The following TAMM41 variants were observed in gnomAD, a reference collection of about 807,000 sequenced individuals.
TAMM41 encodes the protein phosphatidate cytidylyltransferase, mitochondrial.
TAMM41 carries 36 observed loss-of-function variants against 44.1 expected under a neutral mutation model. The ratio of observed to expected loss-of-function variants is 0.82; its 90% CI spans 0.63 to 1.08. TAMM41 has a LOEUF of 1.08. Ranked by LOEUF, TAMM41 falls within the 50% of genes least tolerant of loss-of-function variation. The pLI is 0.00. For synonymous variants in TAMM41, 164 were observed against 153.1 expected, an observed-to-expected ratio of 1.07 and a Z score of -0.53; for missense variants, 417 against 404.3, an observed-to-expected ratio of 1.03 and a Z score of -0.27.
At chr3:11,735,322 C>A in the TAMM41 span, among the ~76,000 whole-genome samples, 1 of 152,178 alleles carries the variant, frequency 6.6e-6, no homozygotes, top group Non-Finnish European at 1.5e-5. Flanking sequence ...TGCGCCACTG[C>A]ATTCCAGCCT....
the TAMM41 span, among the ~76,000 whole-genome samples, chr3:11,772,434 A>G: frequency 1.3e-5 from 2 of 152,108 alleles, no homozygotes; most frequent in Non-Finnish European, 2.9e-5. Context: ...TTTAGCTGTC[A>G]CAAGTGACAA....
the TAMM41 span, among the ~76,000 whole-genome samples, chr3:11,781,777 A>ATAATAATAC: frequency 2.6e-5 from 1 of 38,842 alleles, no homozygotes; most frequent in Non-Finnish European, 4.6e-5. Flanking sequence ...AATAATAATA[A>ATAATAATAC]TAATCATACA....
the TAMM41 span, among the ~76,000 whole-genome samples, chr3:11,722,229 T>C: frequency 5.3e-5 from 8 of 152,124 alleles, no homozygotes; most frequent in African/African-American, 1.7e-4. Flanking sequence ...ATGTGACCAG[T>C]CTTCGACCTT....
intron 2 of TAMM41, 132 bp from the exon 3 acceptor site, chr3:11,839,446 C>T: frequency 1.7e-6 from 1 of 599,284 alleles, no homozygotes; most frequent in Non-Finnish European, 2.9e-6. Flanking sequence ...CTCAAAACAC[C>T]TGACTTGTGA....
In TAMM41 at chr3:11,846,662, C is replaced by T; in HGVS notation, c.-26G>A. 1 of 1,613,942 alleles carries T rather than the reference C, an allele frequency of 6.2e-7. No homozygotes were observed. Among genetic ancestry groups the T allele is most frequent in the South Asian group, 1.1e-5 (1 of 91,066 alleles). ...GGGGTCGAGGCTAACAGGGGACACTCAGCGCAGCAGGGCGAGGACAACCGG... is the reference window on the plus strand; with the variant it reads ...GGGGTCGAGGCTAACAGGGGACACTTAGCGCAGCAGGGCGAGGACAACCGG... On this transcript the variant is annotated 5_prime_UTR_variant, in exon 1 of 8. Coordinates refer to ENST00000455809, the MANE Select transcript of TAMM41 (RefSeq NM_001284401.2).
chr3:11,778,095 C>T, the TAMM41 span, among the ~76,000 whole-genome samples: 1 of 152,138 alleles, frequency 6.6e-6, no homozygotes, highest in African/African-American at 2.4e-5. Flanking sequence ...TCACAGTCTG[C>T]ATCAGTATTT....
the TAMM41 span, among the ~76,000 whole-genome samples, chr3:11,759,988 AAAG>A: frequency 0.021 from 3,133 of 151,906 alleles, 48 homozygotes; most frequent in Middle Eastern, 0.054. Flanking sequence ...AAAAAAGAAA[AAAG>A]AAGAAGAAGA....
chr3:11,729,410 G>A, the TAMM41 span, among the ~76,000 whole-genome samples: 14 of 151,848 alleles, frequency 9.2e-5, no homozygotes, highest in Non-Finnish European at 1.6e-4. Context: ...GAAGCTTACC[G>A]AGAATGAATG....
At chr3:11,764,963 T>C in the TAMM41 span, among the ~76,000 whole-genome samples, 3 of 152,242 alleles carry the variant, frequency 2.0e-5, no homozygotes, top group Non-Finnish European at 2.9e-5. Context: ...TGTCAGATCA[T>C]GATTTGTATA....
chr3:11,814,330 A>C (rs1422323549), intron 5 of TAMM41, among the ~76,000 whole-genome samples: 1 of 152,198 alleles, frequency 6.6e-6, no homozygotes, highest in African/African-American at 2.4e-5. Context: ...CAAAATCTTC[A>C]AAAGTTATAA....
chr3:11,768,417 C>T, the TAMM41 span, among the ~76,000 whole-genome samples: 7 of 152,144 alleles, frequency 4.6e-5, no homozygotes, highest in Admixed American at 2.0e-4. Context: ...GGATTACAGG[C>T]GTGAGCCACT....
the TAMM41 span, among the ~76,000 whole-genome samples, chr3:11,781,041 G>A: frequency 6.6e-6 from 1 of 152,090 alleles, no homozygotes; most frequent in Non-Finnish European, 1.5e-5. Context: ...AACCAACACT[G>A]TCTGGGAACA....
chr3:11,749,937 G>C, the TAMM41 span, among the ~76,000 whole-genome samples: 1 of 142,482 alleles, frequency 7.0e-6, no homozygotes, highest in Non-Finnish European at 1.5e-5. Flanking sequence ...TTGCTCTGTT[G>C]CCCAGGCTGG....
the TAMM41 span, among the ~76,000 whole-genome samples, chr3:11,758,822 C>A: frequency 1.3e-5 from 2 of 152,078 alleles, no homozygotes; most frequent in Non-Finnish European, 2.9e-5. Flanking sequence ...TACAGCCATG[C>A]ACCACCACGC....
At chr3:11,777,970 C>T in the TAMM41 span, among the ~76,000 whole-genome samples, 2 of 152,222 alleles carry the variant, frequency 1.3e-5, no homozygotes, top group South Asian at 2.1e-4. Flanking sequence ...AAATCTACAT[C>T]GTGTCTCGGT....
At chr3:11,776,562 C>T in the TAMM41 span, among the ~76,000 whole-genome samples, 1 of 152,134 alleles carries the variant, frequency 6.6e-6, no homozygotes, top group Non-Finnish European at 1.5e-5. Context: ...TTTGTGGCCT[C>T]GGAGCAGTAG....
intron 7 of TAMM41, among the ~76,000 whole-genome samples, chr3:11,796,271 T>C (rs1451730023): frequency 6.6e-6 from 1 of 152,206 alleles, no homozygotes; most frequent in Non-Finnish European, 1.5e-5. Flanking sequence ...TTCATCTAAA[T>C]TTATAAAGCA....
At chr3:11,738,985 C>T in the TAMM41 span, among the ~76,000 whole-genome samples, 2 of 152,226 alleles carry the variant, frequency 1.3e-5, no homozygotes, top group African/African-American at 2.4e-5. Context: ...GGCCCCTTCA[C>T]CCATCACTCC....
At chr3:11,777,045 C>T in the TAMM41 span, among the ~76,000 whole-genome samples, 1 of 152,124 alleles carries the variant, frequency 6.6e-6, no homozygotes, top group Non-Finnish European at 1.5e-5. Context: ...TTCTGGGGAT[C>T]TAATCTACAG....
Sources: allele counts gnomAD v4.1 joint callset (sites outside exome capture counted in the v4.1 genomes callset), GRCh38; gene constraint gnomAD v4.1.1; transcripts MANE v1.5; gene names NCBI Gene and HGNC (gene_info 2026-07-23, HGNC 2026-07-21).